OTOG: variants seen among roughly 807,000 people sequenced by gnomAD.
The protein encoded by OTOG is otogelin.
A neutral mutation model predicts 313.8 loss-of-function variants in OTOG; 296 were observed. The ratio of observed to expected loss-of-function variants is 0.94; its 90% CI spans 0.86 to 1.04. OTOG has a LOEUF of 1.04. Among genes scored for constraint, OTOG ranks in the 50% least tolerant of loss-of-function variants. The pLI is 0.00. For synonymous variants in OTOG, 1,533 were observed against 1,554.9 expected, an observed-to-expected ratio of 0.99 and a Z score of 0.33; for missense variants, 3,948 against 3,840.1, an observed-to-expected ratio of 1.03 and a Z score of -0.74.
intron 40 of OTOG, among the ~76,000 whole-genome samples, 158 bp downstream of exon 40, chr11:17,629,474 C>T (rs1854064515): frequency 6.6e-6 from 1 of 152,204 alleles, no homozygotes; most frequent in African/African-American, 2.4e-5. Flanking sequence ...CGTCTTGTGT[C>T]CTGGGGCCAA....
chr11:17,613,617 C>A lies in OTOG; in HGVS notation c.6444C>A (p.His2148Gln), dbSNP rs776163972. 6.4e-7 allele frequency: 1 copy of A among 1,550,616 alleles called. No individual in the cohort carries two copies. The highest frequency in any genetic ancestry group is 8.7e-7 in the Non-Finnish European group (1 of 1,147,010). ...GGGCTGGGTTCTCTCTGCAGGGGCA[C>A]CTGAACTGGCCCCCGTTCTGTCTGG... ...VLDCKSANLG[H>Q]LNWPPFCLVM... The change falls in exon 39 of 56, where the codon CAC becomes CAA. Residue 2148 changes from histidine (H) to glutamine (Q), a missense_variant. By Grantham distance (24) the His-to-Gln change is conservative (BLOSUM62 0). Transcript: ENST00000399397.
intron 23 of OTOG, among the ~76,000 whole-genome samples, chr11:17,580,575 A>G (rs1444435291): frequency 6.6e-6 from 1 of 152,268 alleles, no homozygotes; most frequent in Non-Finnish European, 1.5e-5. Flanking sequence ...TCAGAGATGC[A>G]GACAGGTCTG....
In OTOG at chr11:17,608,380, A is replaced by T. The variant is rs751518143; in HGVS notation, c.4241A>T (p.Asp1414Val). The T allele has an allele frequency of 1.4e-5, 21 of 1,546,042 alleles. No individual in the cohort carries two copies. The highest frequency in any genetic ancestry group is 1.8e-5 in the Non-Finnish European group (21 of 1,145,218). The change falls in exon 34 of 56, where the codon GAC (aspartate) becomes GTC (valine). Residue 1414 changes from aspartate (D) to valine (V), a missense_variant. Transcript: ENST00000399397. ...CASPCFQTCR[D>V]PRAASCRDVP... is the part of the protein sequence containing the mutation. ...AGCCCCTGCTTCCAAACCTGCCGGG[A>T]CCCACGGGCAGCCAGCTGCCGGGAC...
chr11:17,618,749 G>T (rs1360509093), intron 39 of OTOG, among the ~76,000 whole-genome samples: 11 of 152,088 alleles, frequency 7.2e-5, no homozygotes, highest in Admixed American at 6.5e-4. Context: ...TGCATAACAT[G>T]CAGGATTGTT....
chr11:17,579,590 A>G (rs1852619317), intron 23 of OTOG, among the ~76,000 whole-genome samples: 1 of 152,210 alleles, frequency 6.6e-6, no homozygotes, highest in South Asian at 2.1e-4. Flanking sequence ...TGCCCCTTCC[A>G]GGCAAGTGTC....
Position 17,640,943 on chromosome 11 carries a change from TG to T in OTOG, c.8045del (p.Gly2682ValfsTer2). Reference sequence around the variant, plus strand: ...GCCCCGGTGTGTCTGAGCCGCGAGCTGGGTGTGATGCAGCCCGGCCAGACAG... The same window carrying T: ...GCCCCGGTGTGTCTGAGCCGCGAGCTGGTGTGATGCAGCCCGGCCAGACAG... ...VKAPVCLSRE[L>X]GVMQPGQTVV... On this transcript the variant is annotated frameshift_variant, in exon 51 of 56. Coordinates refer to ENST00000399397, the MANE Select transcript of OTOG (RefSeq NM_001292063.2). LOFTEE classifies it high-confidence loss of function. The T allele has an allele frequency of 6.5e-7, 1 of 1,548,318 alleles. No homozygotes were observed. Among genetic ancestry groups the T allele is most frequent in the South Asian group, 1.2e-5 (1 of 84,054 alleles).
At chr11:17,633,922 G>A in intron 43 of OTOG, 48 bp downstream of exon 43, 1 of 1,493,626 alleles carries the variant, frequency 6.7e-7, no homozygotes, top group South Asian at 1.3e-5. Context: ...GCCAGCCTCA[G>A]CCTCGCCTCC....
In OTOG at chr11:17,553,468, C is replaced by T. The variant is rs1251077381; in HGVS notation, c.489C>T (p.Ser163=). The change falls in exon 6 of 56, where the codon AGC becomes AGT. Residue 163 remains serine, a synonymous_variant. Coordinates refer to ENST00000399397, the MANE Select transcript of OTOG (RefSeq NM_001292063.2). ...ACTACTACCTCTCCGGAAAGGGCAG[C>T]TACACCCTGGTGGGTCGCCATGAGC... is the stretch of plus-strand genomic sequence containing the variant. ...GLYYYLSGKG[S]YTLVGRHEPE... 3 of 1,464,520 alleles carry T rather than the reference C, an allele frequency of 2.0e-6. No individual in the cohort carries two copies. The East Asian group carries it at 7.5e-5, about 37-fold the overall frequency. The allele number at this position is 1,464,520 out of a possible 1,614,324, so 90.7% of individuals were successfully genotyped here.
At chr11:17,640,416 C>A (rs1847944667) in intron 49 of OTOG, among the ~76,000 whole-genome samples, 1 of 152,228 alleles carries the variant, frequency 6.6e-6, no homozygotes, top group Non-Finnish European at 1.5e-5. Flanking sequence ...ATGTAACCCT[C>A]CCCACCCCAG....
rs1206817960 is a variant in OTOG, at chr11:17,559,603, C to G, written c.1283C>G (p.Pro428Arg). Residue 428 changes from proline (P) to arginine (R), a missense_variant, in exon 12 of 56, where the codon CCC (proline) becomes CGC (arginine). Physicochemically the swap from Pro to Arg is moderately radical, Grantham distance 103. Coordinates refer to ENST00000399397, the MANE Select transcript of OTOG (RefSeq NM_001292063.2). ...CIACCPASCH[P>R]RASCVDSEIA... Reference sequence around the variant, plus strand: ...GCCTGCTGCCCTGCCTCCTGCCATCCCCGGGCATCCTGTGTGGACAGTGAG... The same window carrying G: ...GCCTGCTGCCCTGCCTCCTGCCATCGCCGGGCATCCTGTGTGGACAGTGAG... 3 of 1,550,776 alleles carry G rather than the reference C, an allele frequency of 1.9e-6. No individual in the cohort carries two copies. In the African/African-American group the frequency reaches 4.1e-5, roughly 21 times the overall value.
At position 17,572,161 on chromosome 11, in the gene OTOG, C is replaced by G; in HGVS notation, c.2037C>G (p.Val679=). ...WKTLSACSPL[V]SGSPLDPCDV... ...CACTTTCTGCTTGCTCCCCGCTGGT[C>G]TCTGGCTCCCCTCTGGACCCCTGCG... Residue 679 remains valine, a synonymous_variant, in exon 18 of 56, where the codon GTC becomes GTG. Transcript: ENST00000399397. 2 of 1,550,492 alleles carry G rather than the reference C, an allele frequency of 1.3e-6. No individual in the cohort carries two copies. The highest frequency in any genetic ancestry group is 1.2e-5 in the South Asian group (1 of 84,054).
Position 17,553,041 on chromosome 11 carries a change from T to C in OTOG, c.293-78T>C, listed in dbSNP as rs4757543. ...GCCTGTTATGGGGGTCTGGATCCTG[T>C]GAAGCCTGAGAGGGCTGCCTCCCTG... On this transcript the variant is annotated intron_variant, in intron 4 of 55. Transcript: ENST00000399397. 864,819 of 1,359,988 alleles carry C rather than the reference T, an allele frequency of 0.64. 278,635 individuals carry two copies. The highest frequency in any genetic ancestry group is 0.88 in the African/African-American group (61,275 of 69,676). The allele number at this position is 1,359,988 out of a possible 1,614,324, so 84.2% of individuals were successfully genotyped here.
intron 15 of OTOG, among the ~76,000 whole-genome samples, chr11:17,565,384 A>G (rs1852275700): frequency 6.6e-6 from 1 of 152,164 alleles, no homozygotes; most frequent in Non-Finnish European, 1.5e-5. Flanking sequence ...TGTTCATCAC[A>G]TCTTATCCGT....
At chr11:17,625,514 G>A (rs1222078347) in intron 39 of OTOG, among the ~76,000 whole-genome samples, 4 of 152,128 alleles carry the variant, frequency 2.6e-5, no homozygotes, top group East Asian at 1.9e-4. Flanking sequence ...CTACTTGATC[G>A]TGGTGAATAA....
rs867782152 is a variant in OTOG, at chr11:17,570,299, C to T, written c.1864C>T (p.Leu622Phe). ...GVRVLYDREG[L>F]RLYLQVDQRW... ...GCGGGTGCTCTACGACCGTGAAGGG[C>T]TCCGACTGTACCTGCAAGTGGACCA... The change falls in exon 17 of 56, where the codon CTC becomes TTC. Residue 622 changes from leucine to phenylalanine, a missense_variant. Physicochemically the swap from Leu to Phe is conservative, Grantham distance 22 (BLOSUM62 0). Transcript: ENST00000399397. 1.3e-6 allele frequency: 2 copies of T among 1,550,672 alleles called. No individual in the cohort carries two copies. Among genetic ancestry groups the T allele is most frequent in the African/African-American group, 1.4e-5 (1 of 73,050 alleles).
chr11:17,599,631 T>C, intron 30 of OTOG, 40 bp from the exon 31 acceptor site: 2 of 1,550,006 alleles, frequency 1.3e-6, no homozygotes, highest in Non-Finnish European at 1.7e-6. Flanking sequence ...TTCCAGGCTC[T>C]GGGCTGGCTC....
intron 53 of OTOG, among the ~76,000 whole-genome samples, chr11:17,642,741 G>A (rs193068015): frequency 1.2e-4 from 18 of 152,244 alleles, no homozygotes; most frequent in African/African-American, 4.3e-4. Context: ...TTCCTGGAAG[G>A]CTTGGGGTTA....
intron 39 of OTOG, among the ~76,000 whole-genome samples, chr11:17,626,252 T>C (rs1853982825): frequency 1.3e-5 from 2 of 152,234 alleles, no homozygotes; most frequent in Non-Finnish European, 2.9e-5. Context: ...CTTGGCTCAC[T>C]GCTACCTCTG....
In OTOG at chr11:17,645,774, C is replaced by T. The variant is rs1369211652; in HGVS notation, c.8572C>T (p.Pro2858Ser). ...VNLVSCDGRC[P>S]SASIYNYNIN... ...CCTAGTGTCCTGCGATGGGAGGTGC[C>T]CATCCGCCAGCATCTACAACTACAA... is the stretch of plus-strand genomic sequence containing the variant. The change falls in exon 56 of 56, where the codon CCA becomes TCA. Residue 2858 changes from proline to serine, a missense_variant. By Grantham distance (74) the Pro-to-Ser change is moderately conservative. Transcript: ENST00000399397. The T allele has an allele frequency of 1.3e-6, 2 of 1,550,866 alleles. No individual in the cohort carries two copies. The highest frequency in any genetic ancestry group is 1.7e-6 in the Non-Finnish European group (2 of 1,147,064).
Sources: allele counts gnomAD v4.1 joint callset (sites outside exome capture counted in the v4.1 genomes callset), GRCh38; gene constraint gnomAD v4.1.1; transcripts MANE v1.5; gene names NCBI Gene and HGNC (gene_info 2026-07-23, HGNC 2026-07-21).